Variants in ATG7 observed in about 807,000 individuals in gnomAD.
ATG7 encodes autophagy related 7, also known as ubiquitin-like modifier-activating enzyme ATG7.
A neutral mutation model predicts 82.4 loss-of-function variants in ATG7; 70 were observed. The ratio of observed to expected loss-of-function variants is 0.85; its 90% confidence interval spans 0.70 to 1.04. The LOEUF (loss-of-function observed/expected upper bound fraction) is 1.04. Among genes scored for constraint, ATG7 ranks in the 50% least tolerant of loss-of-function variants. The probability of loss-of-function intolerance (pLI) is 0.00; values close to 1 mark genes in which losing one functional copy is unlikely to be tolerated. For synonymous variants in ATG7, 287 were observed against 313.0 expected (o/e 0.92, Z 0.88); for missense variants, 792 against 864.3 (o/e 0.92, Z 1.05).
intron 20 of ATG7, among the ~76,000 whole-genome samples, chr3:11,449,704 C>T (rs1228280060): frequency 2.0e-5 from 3 of 152,180 alleles, no homozygotes; most frequent in Non-Finnish European, 4.4e-5. Flanking sequence ...CCCGTTGTCC[C>T]AGTTAGATGC....
At chr3:11,418,047 G>A (rs573283883) in intron 19 of ATG7, among the ~76,000 whole-genome samples, 13 of 150,920 alleles carry the variant, frequency 8.6e-5, no homozygotes, top group Non-Finnish European at 1.6e-4. Context: ...TCCTAACCTC[G>A]TTATCCACCC....
At chr3:11,423,521 A>G (rs1463845504) in intron 19 of ATG7, among the ~76,000 whole-genome samples, 1 of 152,212 alleles carries the variant, frequency 6.6e-6, no homozygotes, top group East Asian at 1.9e-4. Flanking sequence ...CATTTCAAAA[A>G]AGATCACTTA....
chr3:11,390,872 G>T (rs533962353), intron 19 of ATG7, among the ~76,000 whole-genome samples: 13 of 152,326 alleles, frequency 8.5e-5, no homozygotes, highest in South Asian at 4.1e-4. Flanking sequence ...AGGACATTTT[G>T]ATATGACTAG....
At chr3:11,285,052 G>C (rs1390563727) in intron 3 of ATG7, among the ~76,000 whole-genome samples, 1 of 148,402 alleles carries the variant, frequency 6.7e-6, no homozygotes, top group Non-Finnish European at 1.5e-5. Context: ...GGGTTTCACC[G>C]TGTTAGCCAG....
the ATG7 span, among the ~76,000 whole-genome samples, chr3:11,564,158 C>A: frequency 2.0e-5 from 3 of 152,204 alleles, no homozygotes; most frequent in Non-Finnish European, 2.9e-5. Context: ...CTGCCTTCTC[C>A]CATATATTTC....
chr3:11,432,616 C>A (rs1379007601), intron 20 of ATG7, among the ~76,000 whole-genome samples: 2 of 151,888 alleles, frequency 1.3e-5, no homozygotes, highest in South Asian at 2.1e-4. Flanking sequence ...TCTACATAAC[C>A]AAAAATCACC....
the ATG7 span, among the ~76,000 whole-genome samples, chr3:11,568,212 G>T: frequency 2.0e-5 from 3 of 152,212 alleles, no homozygotes; most frequent in Non-Finnish European, 2.9e-5. The surrounding 1 kb of genome is among the most constrained non-coding windows in gnomAD (Gnocchi z 5.9). Flanking sequence ...AGCCAAAGTC[G>T]TGGTACATAA....
chr3:11,509,346 A>C (rs148912648), intron 20 of ATG7, among the ~76,000 whole-genome samples: 2 of 151,750 alleles, frequency 1.3e-5, no homozygotes, highest in African/African-American at 4.8e-5. Context: ...ACATTTGTCT[A>C]CATCCAGGGA....
chr3:11,305,292 G>A (rs1468079793), intron 5 of ATG7, among the ~76,000 whole-genome samples: 1 of 152,196 alleles, frequency 6.6e-6, no homozygotes, highest in Non-Finnish European at 1.5e-5. Flanking sequence ...ACTTGCATAA[G>A]TGCTGATGCT....
At chr3:11,357,942 A>G (rs531380181) in intron 14 of ATG7, among the ~76,000 whole-genome samples, 1 of 151,014 alleles carries the variant, frequency 6.6e-6, no homozygotes, top group Admixed American at 6.6e-5. Context: ...CCAAGAGGTC[A>G]TGGTTTCCGT....
At chr3:11,436,109 A>T (rs1376068021) in intron 20 of ATG7, among the ~76,000 whole-genome samples, 3 of 152,188 alleles carry the variant, frequency 2.0e-5, no homozygotes, top group Non-Finnish European at 4.4e-5. Flanking sequence ...GGGAACTCTT[A>T]CAACTTAATA....
At chr3:11,542,889 G>A (rs1283130611) in intron 20 of ATG7, among the ~76,000 whole-genome samples, 1 of 152,218 alleles carries the variant, frequency 6.6e-6, no homozygotes, top group Non-Finnish European at 1.5e-5. Context: ...GCATGAGACT[G>A]TTCCTTCAGA....
chr3:11,404,578 G>A (rs1189382757), intron 19 of ATG7, among the ~76,000 whole-genome samples: 1 of 151,904 alleles, frequency 6.6e-6, no homozygotes, highest in African/African-American at 2.4e-5. Flanking sequence ...CAGGTGTGTG[G>A]TTTTGGGCAT....
intron 20 of ATG7, among the ~76,000 whole-genome samples, chr3:11,493,199 G>C (rs937427106): frequency 1.3e-5 from 2 of 152,158 alleles, no homozygotes; most frequent in Non-Finnish European, 2.9e-5. Flanking sequence ...GGGTGGGAAG[G>C]CCAGGTCACT....
At chr3:11,328,632 T>A (rs1219673200) in intron 9 of ATG7, among the ~76,000 whole-genome samples, 1 of 152,200 alleles carries the variant, frequency 6.6e-6, no homozygotes, top group African/African-American at 2.4e-5. Flanking sequence ...TAAAATTCAT[T>A]TTCAGAGATT....
intron 3 of ATG7, among the ~76,000 whole-genome samples, chr3:11,287,604 T>G (rs1944301354): frequency 6.6e-6 from 1 of 152,246 alleles, no homozygotes; most frequent in Non-Finnish European, 1.5e-5. Context: ...ATGCTGCTGA[T>G]GCAGTCTTTC....
chr3:11,383,737 C>T (rs997523694), intron 19 of ATG7, among the ~76,000 whole-genome samples: 14 of 152,182 alleles, frequency 9.2e-5, no homozygotes, highest in African/African-American at 3.1e-4. Flanking sequence ...CGTGAGCCAC[C>T]GCATCCAGCC....
At chr3:11,517,231 C>T (rs2092307319) in intron 20 of ATG7, among the ~76,000 whole-genome samples, 1 of 151,750 alleles carries the variant, frequency 6.6e-6, no homozygotes, top group Admixed American at 6.6e-5. Context: ...ATCCCAGCTA[C>T]TGGGGAGGCT....
chr3:11,567,270 A>G, the ATG7 span, among the ~76,000 whole-genome samples: 3 of 152,136 alleles, frequency 2.0e-5, no homozygotes, highest in Non-Finnish European at 4.4e-5. Context: ...AAACAATCAG[A>G]GCGGCGCAGT....
Sources: gnomAD v4.1 joint callset for allele counts (sites outside exome capture counted in the v4.1 genomes callset) on GRCh38, gnomAD v4.1.1 for gene constraint, Gnocchi (gnomAD v3.1) non-coding constraint, MANE v1.5 for transcripts, NCBI Gene and HGNC (gene_info 2026-07-23, HGNC 2026-07-21) for gene names.